KDM5C: variants seen among roughly 807,000 people sequenced by gnomAD.
KDM5C encodes the protein lysine demethylase 5C.
KDM5C carries 16 observed loss-of-function variants against 110.6 expected under a neutral mutation model. That is an observed-to-expected ratio of 0.14 (90% CI 0.10 to 0.22). The LOEUF is 0.22. Ranked by LOEUF, KDM5C falls within the 10% of genes least tolerant of loss-of-function variation. The probability of loss-of-function intolerance (pLI) is 1.00; values close to 1 mark genes in which losing one functional copy is unlikely to be tolerated. For missense variants in KDM5C, 681 were observed against 1,300.9 expected (o/e 0.52, Z 7.33); for synonymous variants, 511 against 520.4 (o/e 0.98, Z 0.24).
rs1368038420 is a variant in KDM5C at position 53,193,430 on chromosome X, T to TC, written c.4317+6dup. 1.6e-5 allele frequency: 19 copies of TC among 1,209,548 alleles called. No homozygotes were observed. In the African/African-American group the frequency reaches 2.5e-4, roughly 16 times the overall value. On this transcript the variant is annotated splice_region_variant and intron_variant, in intron 25 of 25. Coordinates refer to ENST00000375401, the MANE Select transcript of KDM5C (RefSeq NM_004187.5). The stretch of plus-strand genomic sequence containing the variant: ...CTCCTGGCCCGGCCCATGACCCCTC[T>TC]CCTCACCTCCAGAAGTGTGCGGATC...
In KDM5C at chrX:53,217,912, G is replaced by A. The variant is rs2073792490; in HGVS notation, c.406C>T (p.Arg136Trp). Reference protein sequence around the residue: ...EAICKDRRWARVAQRLNYPPG... With the variant: ...EAICKDRRWAWVAQRLNYPPG... ...GGATAGTTGAGGCGCTGGGCTACCC[G>A]AGCCCACCGACGGTCCTTGCAGATA... is the stretch of plus-strand genomic sequence containing the variant. Residue 136 changes from arginine (R) to tryptophan (W), a missense_variant, in exon 4 of 26, where the codon CGG (arginine) becomes TGG (tryptophan). Physicochemically the swap from Arg to Trp is moderately radical, Grantham distance 101 (BLOSUM62 -3). Around this residue, in one of 14 missense-constraint regions of KDM5C, gnomAD observed 55 missense variants for 118.0 expected, o/e 0.47. Transcript: ENST00000375401. 4 of 1,208,527 alleles carry A rather than the reference G, an allele frequency of 3.3e-6. No individual in the cohort carries two copies. The highest frequency in any genetic ancestry group is 2.2e-5 in the Admixed American group (1 of 45,731).
At position 53,192,883 on chromosome X, in the gene KDM5C, C is replaced by CCCCCCCCCCAA; in HGVS notation, c.*83_*84insTTGGGGGGGGG. On this transcript the variant is annotated 3_prime_UTR_variant, in exon 26 of 26. Coordinates refer to ENST00000375401, the MANE Select transcript of KDM5C (RefSeq NM_004187.5). ...GCCACCCCCCTACCCGCCCACCCCC[C>CCCCCCCCCCAA]AAGAAGCAGGCTTGATGGTCAGAAA... 1.9e-6 allele frequency: 2 copies of CCCCCCCCCCAA among 1,063,307 alleles called. No homozygotes were observed. The highest frequency in any genetic ancestry group is 2.5e-6 in the Non-Finnish European group (2 of 809,533). The allele number at this position is 1,063,307 out of a possible 1,213,427, so 87.6% of individuals were successfully genotyped here. A position where few individuals can be genotyped will look rare whatever the true frequency, so the allele number is the denominator to read the frequency against.
At chrX:53,183,735 A>AT (rs1190866632) in intron 25 of KDM5C, among the ~76,000 whole-genome samples, 2 of 108,611 alleles carry the variant, frequency 1.8e-5, no homozygotes, top group African/African-American at 6.7e-5. Context: ...TGCCCGGATA[A>AT]TTTTTTTAAA....
chrX:53,212,322 T>TC (rs2146923790), intron 8 of KDM5C: 1 of 178,954 alleles, frequency 5.6e-6, no homozygotes, highest in African/African-American at 3.2e-5. Context: ...TTTTTTTTTT[T>TC]TGAGACGGAG....
chrX:53,181,369 C>T (rs1569249377), intron 25 of KDM5C, among the ~76,000 whole-genome samples: 1 of 110,349 alleles, frequency 9.1e-6, no homozygotes, highest in Non-Finnish European at 1.9e-5. Flanking sequence ...TTGGATAGAT[C>T]TGAGCACCCT....
chrX:53,194,053 G>T lies in KDM5C; in HGVS notation c.4038+86C>A, dbSNP rs781839416. The T allele has an allele frequency of 2.7e-6, 3 of 1,121,866 alleles. No individual in the cohort carries two copies. In the East Asian group the frequency reaches 9.8e-5, roughly 37 times the overall value. 92.5% of individuals were successfully genotyped at this position (1,121,866 alleles called of 1,213,427 possible). On this transcript the variant is annotated intron_variant, in intron 23 of 25. Transcript: ENST00000375401. Reference sequence around the variant, plus strand: ...CTGGTCCAAAGAAAACTGAAAATTGGAGAACAAGGGGCAGGGCCGAGCCTA... The same window carrying T: ...CTGGTCCAAAGAAAACTGAAAATTGTAGAACAAGGGGCAGGGCCGAGCCTA...
chrX:53,202,787 C>T (rs1241036883), intron 12 of KDM5C: 2 of 111,220 alleles, frequency 1.8e-5, no homozygotes, highest in Non-Finnish European at 3.8e-5. Context: ...TACTCTCACA[C>T]TTGACTGTAT....
chrX:53,189,414 G>A, downstream of KDM5C, among the ~76,000 whole-genome samples: 1 of 112,572 alleles, frequency 8.9e-6, no homozygotes, highest in East Asian at 2.8e-4. Context: ...TGTCTGTTGG[G>A]GACTTTGTGA....
At position 53,192,620 on chromosome X, in the gene KDM5C, G is replaced by A. The variant is rs1425214097; in HGVS notation, c.*347C>T. 1.4e-6 allele frequency: 1 copy of A among 717,831 alleles called. No homozygotes were observed. The highest frequency in any genetic ancestry group is 2.1e-6 in the Non-Finnish European group (1 of 479,802). 59.2% of individuals were successfully genotyped at this position (717,831 alleles called of 1,213,427 possible). On this transcript the variant is annotated 3_prime_UTR_variant, in exon 26 of 26. Transcript: ENST00000375401. ...AGAACTGGGGAGAGAAGGGAGGAGA[G>A]TCCCCCAGTTTGCATATACACTGGC...
chrX:53,186,071 C>T (rs1934207961), intron 25 of KDM5C, among the ~76,000 whole-genome samples: 1 of 112,023 alleles, frequency 8.9e-6, no homozygotes, highest in Non-Finnish European at 1.9e-5. Context: ...ATGTTAATCT[C>T]TGGTGATCCA....
In KDM5C at chrX:53,210,182, C is replaced by G. The variant is rs1015234942; in HGVS notation, c.1746+232G>C. ...GAATGTAGATGTGATAATAAGCCACCCCTTAGCTGTTACCGTCAAACACAT... is the reference window on the plus strand; with the variant it reads ...GAATGTAGATGTGATAATAAGCCACGCCTTAGCTGTTACCGTCAAACACAT... On this transcript the variant is annotated intron_variant, in intron 12 of 25. Coordinates refer to ENST00000375401, the MANE Select transcript of KDM5C (RefSeq NM_004187.5). Among the ~76,000 whole-genome samples, 21 of 112,673 alleles carry G rather than the reference C, an allele frequency of 1.9e-4. No individual in the cohort carries two copies. In the South Asian group the frequency reaches 3.0e-3, roughly 16 times the overall value.
Position 53,194,258 on chromosome X carries a change from G to A in KDM5C, c.3919C>T (p.Arg1307Trp), listed in dbSNP as rs782631044. The A allele has an allele frequency of 6.6e-6, 8 of 1,210,929 alleles. No homozygotes were observed. Among genetic ancestry groups the A allele is most frequent in the African/African-American group, 3.5e-5 (2 of 57,471 alleles). The change falls in exon 23 of 26, where the codon CGG (arginine) becomes TGG (tryptophan). Residue 1307 changes from arginine (R) to tryptophan (W), a missense_variant. By Grantham distance (101) the Arg-to-Trp change is moderately radical. This residue lies in a region of KDM5C where 88 missense variants were observed against 85.6 expected (regional missense o/e 1.03). Coordinates refer to ENST00000375401, the MANE Select transcript of KDM5C (RefSeq NM_004187.5). ...ASEDVTALLGRLAELRQRLQA... is the reference protein window; with the variant it reads ...ASEDVTALLGWLAELRQRLQA... ...AGCCGTTGGCGGAGCTCAGCCAGCC[G>A]TCCCAAAAGAGCAGTCACATCTTCA...
At chrX:53,215,458 G>A (rs781866563) in intron 7 of KDM5C, among the ~76,000 whole-genome samples, 76 of 112,041 alleles carry the variant, frequency 6.8e-4, no homozygotes, top group Non-Finnish European at 1.4e-3. Context: ...TATAGCAGAG[G>A]AGTGAGGTGG....
In KDM5C at chrX:53,198,747, T is replaced by TC. The variant is rs112157346; in HGVS notation, c.2368+16dup. 8 of 1,210,754 alleles carry TC rather than the reference T, an allele frequency of 6.6e-6. No homozygotes were observed. The highest frequency in any genetic ancestry group is 5.3e-5 in the South Asian group (3 of 56,961). On this transcript the variant is annotated intron_variant, in intron 16 of 25. Coordinates refer to ENST00000375401, the MANE Select transcript of KDM5C (RefSeq NM_004187.5). The stretch of plus-strand genomic sequence containing the variant: ...AGAACTTGCCTGTGGAGTCCCTCCA[T>TC]CCCCCCCATCACTCACTGCGCTTCC...
intron 8 of KDM5C, among the ~76,000 whole-genome samples, chrX:53,213,064 C>T (rs1556849784): frequency 1.8e-5 from 2 of 112,341 alleles, no homozygotes; most frequent in African/African-American, 6.5e-5. Flanking sequence ...GTATCAAACC[C>T]TCCACTAATC....
intron 12 of KDM5C, chrX:53,202,457 TAA>T (rs2073170207): frequency 8.1e-6 from 1 of 123,861 alleles, no homozygotes; most frequent in Non-Finnish European, 1.7e-5. Context: ...TAGACTATGT[TAA>T]AAACAGCCTC....
intron 3 of KDM5C, 41 bp from the exon 4 acceptor site, chrX:53,218,007 T>C: frequency 8.5e-7 from 1 of 1,178,582 alleles, no homozygotes; most frequent in Non-Finnish European, 1.2e-6. Context: ...GTGCCACGTG[T>C]ATTTATATGT....
rs1024754603 is a variant in KDM5C at position 53,192,762 on chromosome X, T to G, written c.*205A>C. On this transcript the variant is annotated 3_prime_UTR_variant, in exon 26 of 26. Transcript: ENST00000375401. ...TTAGAGGCTACCAGGGAGGGAAGAC[T>G]CCAGGGGCCGGCCCCCAGGAGCTGA... 8.8e-7 allele frequency: 1 copy of G among 1,133,819 alleles called. No homozygotes were observed. The highest frequency in any genetic ancestry group is 1.9e-5 in the African/African-American group (1 of 53,136). 93.4% of individuals were successfully genotyped at this position (1,133,819 alleles called of 1,213,427 possible).
At chrX:53,219,231 T>C (rs1474356809) in intron 2 of KDM5C, among the ~76,000 whole-genome samples, 1 of 112,631 alleles carries the variant, frequency 8.9e-6, no homozygotes, top group African/African-American at 3.2e-5. Context: ...AGGGGTAGAC[T>C]TAATGAGGGG....
Sources: allele counts gnomAD v4.1 joint callset (sites outside exome capture counted in the v4.1 genomes callset), GRCh38; gene constraint gnomAD v4.1.1; regional missense constraint gnomAD v4.1.1; transcripts MANE v1.5; gene names NCBI Gene and HGNC (gene_info 2026-07-23, HGNC 2026-07-21).